The following ABL2 variants were observed in gnomAD, a reference collection of about 807,000 sequenced individuals.
ABL2 encodes the protein ABL proto-oncogene 2, non-receptor tyrosine kinase.
In ABL2, 49 loss-of-function variants were observed where a neutral mutation model predicts 107.7. The ratio of observed to expected loss-of-function variants is 0.45; its 90% CI spans 0.36 to 0.58. ABL2 has a LOEUF of 0.58. Among genes scored for constraint, ABL2 ranks in the 20% least tolerant of loss-of-function variants. The pLI is 0.00. For synonymous variants in ABL2, 549 were observed against 548.6 expected, an observed-to-expected ratio of 1.00 and a Z score of -0.01; for missense variants, 1,245 against 1,457.0, an observed-to-expected ratio of 0.85 and a Z score of 2.37.
chr1:179,165,994 A>C (rs1159209163), intron 1 of ABL2, among the ~76,000 whole-genome samples: 1 of 151,980 alleles, frequency 6.6e-6, no homozygotes, highest in African/African-American at 2.4e-5. Flanking sequence ...ACGGGGTTTT[A>C]CCATGTTGGC....
In ABL2 at chr1:179,135,974, C is replaced by T. The variant is rs1326940130; in HGVS notation, c.158-2600G>A. Among the ~76,000 whole-genome samples the T allele has an allele frequency of 5.6e-5, 8 of 143,204 alleles. 1 individual carries two copies. The highest frequency in any genetic ancestry group is 4.1e-4 in the Admixed American group (6 of 14,604). The allele number at this position is 143,204 out of a possible 152,430, so 93.9% of individuals were successfully genotyped here. On this transcript the variant is annotated intron_variant, in intron 1 of 11. Coordinates refer to ENST00000502732, the MANE Select transcript of ABL2 (RefSeq NM_007314.4). Reference sequence around the variant, plus strand: ...AGGGAGGTGGGGGGGGTCAGCCCCCCATCCGGCCAGCCGCCCCGTCCAGGA... The same window carrying T: ...AGGGAGGTGGGGGGGGTCAGCCCCCTATCCGGCCAGCCGCCCCGTCCAGGA...
chr1:179,199,189 T>C (rs893342933), intron 1 of ABL2, among the ~76,000 whole-genome samples: 2 of 152,136 alleles, frequency 1.3e-5, no homozygotes, highest in East Asian at 1.9e-4. Context: ...GGGAATGAGG[T>C]TGGATGTGTT....
At chr1:179,110,982 T>G in intron 10 of ABL2, 3 of 46,960 alleles carry the variant, frequency 6.4e-5, no homozygotes, top group African/African-American at 5.3e-4. Flanking sequence ...ATTTTTGGCT[T>G]TTTTTTTTTT....
chr1:179,199,033 G>T (rs544817383), intron 1 of ABL2, among the ~76,000 whole-genome samples: 2 of 151,986 alleles, frequency 1.3e-5, no homozygotes, highest in Admixed American at 6.6e-5. Context: ...GTAGAGATGG[G>T]GGTTTCGCCA....
chr1:179,141,245 C>G (rs1657560873), intron 1 of ABL2, among the ~76,000 whole-genome samples: 1 of 151,498 alleles, frequency 6.6e-6, no homozygotes, highest in African/African-American at 2.4e-5. Context: ...GAGCCAAGAT[C>G]ACACCATTGT....
intron 1 of ABL2, chr1:179,201,892 A>G (rs1661691570): frequency 1.5e-6 from 2 of 1,317,442 alleles, no homozygotes; most frequent in Non-Finnish European, 1.9e-6. Context: ...ACCTCCATTG[A>G]GGAAATGCCC....
Position 179,117,321 on chromosome 1 carries a change from T to C in ABL2, c.1408+11A>G, listed in dbSNP as rs373939986. On this transcript the variant is annotated intron_variant, in intron 8 of 11. Coordinates refer to ENST00000502732, the MANE Select transcript of ABL2 (RefSeq NM_007314.4). ...TAAAATGACACAGAAAAAAGTCCCT[T>C]TCAACCTTACCCCAGACGTCAGATT... 1 of 1,613,850 alleles carries C rather than the reference T, an allele frequency of 6.2e-7. No homozygotes were observed. The highest frequency in any genetic ancestry group is 1.3e-5 in the African/African-American group (1 of 75,040).
intron 1 of ABL2, among the ~76,000 whole-genome samples, chr1:179,147,789 C>T (rs560024211): frequency 5.9e-5 from 9 of 152,250 alleles, no homozygotes; most frequent in African/African-American, 1.9e-4. Flanking sequence ...CCAGACTTCA[C>T]CACTAGGCAA....
Position 179,126,225 on chromosome 1 carries a change from G to T in ABL2, c.687+152C>A. 1 of 808,832 alleles carries T rather than the reference G, an allele frequency of 1.2e-6. No homozygotes were observed. The highest frequency in any genetic ancestry group is 1.9e-6 in the Non-Finnish European group (1 of 521,952). 50.1% of individuals were successfully genotyped at this position (808,832 alleles called of 1,614,324 possible). ...TACCATATCCTTTTCAAGAGTACAAGCTCTAACATGCCAAAAAGCCCAAAC... is the reference window on the plus strand; with the variant it reads ...TACCATATCCTTTTCAAGAGTACAATCTCTAACATGCCAAAAAGCCCAAAC... On this transcript the variant is annotated intron_variant, in intron 4 of 11. Transcript: ENST00000502732. The surrounding 1 kb of genome is among the most constrained non-coding windows in gnomAD (Gnocchi z 4.4).
At chr1:179,177,486 T>C (rs2102789793) in intron 1 of ABL2, among the ~76,000 whole-genome samples, 1 of 152,362 alleles carries the variant, frequency 6.6e-6, no homozygotes, top group South Asian at 2.1e-4. Flanking sequence ...GGGCAGTCAG[T>C]TGTTACTACT....
At chr1:179,193,130 A>C (rs947465705) in intron 1 of ABL2, among the ~76,000 whole-genome samples, 2 of 152,168 alleles carry the variant, frequency 1.3e-5, no homozygotes, top group Non-Finnish European at 2.9e-5. Flanking sequence ...AATTTCCAAA[A>C]AAGGGCACAA....
rs756229936 is a variant in ABL2 at position 179,131,413 on chromosome 1, A to C, written c.289T>G (p.Ser97Ala). The C allele has an allele frequency of 6.2e-7, 1 of 1,614,132 alleles. No homozygotes were observed. The highest frequency in any genetic ancestry group is 8.5e-7 in the Non-Finnish European group (1 of 1,179,994). ...QALNEAIRWS[S>A]KENLLGATES... Reference sequence around the variant, plus strand: ...GTGGCTCCGAGCAAGTTCTCCTTGGAGCTCCACCTGATAGCCTCATTTAGT... The same window carrying C: ...GTGGCTCCGAGCAAGTTCTCCTTGGCGCTCCACCTGATAGCCTCATTTAGT... The change falls in exon 3 of 12, where the codon TCC becomes GCC. Residue 97 changes from serine to alanine, a missense_variant. Ser to Ala is a moderately conservative substitution (Grantham distance 99, BLOSUM62 1). Transcript: ENST00000502732.
chr1:179,101,330 T>C lies in ABL2; in HGVS notation c.*6388A>G, dbSNP rs918041205. On this transcript the variant is annotated 3_prime_UTR_variant, in exon 12 of 12. Transcript: ENST00000502732. ...TCCCACAGGGTGAAGCCTTCCCTAA[T>C]TTCCTGTCCTTTGGATCTAGGATAT... is the stretch of plus-strand genomic sequence containing the variant. The C allele has an allele frequency of 1.6e-4, 32 of 204,092 alleles. No individual in the cohort carries two copies. The highest frequency in any genetic ancestry group is 1.0e-3 in the Admixed American group (17 of 16,690). 12.6% of individuals were successfully genotyped at this position (204,092 alleles called of 1,614,324 possible).
intron 6 of ABL2, 71 bp from the exon 7 acceptor site, chr1:179,118,835 A>C: frequency 1.3e-6 from 2 of 1,508,730 alleles, no homozygotes; most frequent in Middle Eastern, 1.8e-4. Flanking sequence ...TTGGCCAAGA[A>C]TAATTTGACA....
chr1:179,139,227 C>T (rs1657339338), intron 1 of ABL2, among the ~76,000 whole-genome samples: 3 of 152,210 alleles, frequency 2.0e-5, no homozygotes, highest in South Asian at 4.2e-4. Flanking sequence ...TAACACTCAC[C>T]GCAAAGATCT....
chr1:179,190,558 A>T (rs1660942948), intron 1 of ABL2, among the ~76,000 whole-genome samples: 1 of 152,048 alleles, frequency 6.6e-6, no homozygotes, highest in Non-Finnish European at 1.5e-5. Context: ...GACGTTGATG[A>T]CGTTAACTTT....
intron 1 of ABL2, among the ~76,000 whole-genome samples, chr1:179,188,968 C>T (rs973731908): frequency 3.3e-5 from 5 of 152,070 alleles, no homozygotes; most frequent in African/African-American, 9.7e-5. Flanking sequence ...ACTATATTAA[C>T]GAGTTAATTT....
intron 1 of ABL2, among the ~76,000 whole-genome samples, chr1:179,173,190 CA>C (rs35126707): frequency 0.18 from 18,762 of 104,250 alleles, 1,603 homozygotes; most frequent in Non-Finnish European, 0.26. Context: ...AACTCGGCCT[CA>C]AAAAAAAAAA....
chr1:179,223,417 A>T (rs1390593456), intron 1 of ABL2, among the ~76,000 whole-genome samples: 2 of 151,572 alleles, frequency 1.3e-5, no homozygotes, highest in Non-Finnish European at 2.9e-5. Flanking sequence ...TGTCTCAAAA[A>T]AAAAAAAAAA....
Sources: allele counts gnomAD v4.1 joint callset (sites outside exome capture counted in the v4.1 genomes callset), GRCh38; gene constraint gnomAD v4.1.1; non-coding constraint Gnocchi (gnomAD v3.1); transcripts MANE v1.5; gene names NCBI Gene and HGNC (gene_info 2026-07-23, HGNC 2026-07-21).